The following LDB2 variants were observed in gnomAD, a reference collection of about 807,000 sequenced individuals.
LDB2 encodes the protein LIM domain-binding protein 2.
Under a neutral mutation model 44.3 loss-of-function variants are expected in LDB2, and 12 were observed. The ratio of observed to expected loss-of-function variants is 0.27; its 90% CI spans 0.17 to 0.44. The LOEUF is 0.44. Among genes scored for constraint, LDB2 ranks in the 20% least tolerant of loss-of-function variants. The probability of loss-of-function intolerance (pLI) is 1.00; values close to 1 mark genes in which losing one functional copy is unlikely to be tolerated. For synonymous variants in LDB2, 164 were observed against 174.8 expected (o/e 0.94, Z 0.49); for missense variants, 344 against 473.5 (o/e 0.73, Z 2.54).
At chr4:16,698,092 C>T (rs1752615355) in intron 2 of LDB2, among the ~76,000 whole-genome samples, 1 of 152,158 alleles carries the variant, frequency 6.6e-6, no homozygotes, top group Non-Finnish European at 1.5e-5. Context: ...GAAAGTTTTA[C>T]ACATAAGCAT....
chr4:16,609,259 G>A (rs1283108820), intron 2 of LDB2, among the ~76,000 whole-genome samples: 1 of 151,890 alleles, frequency 6.6e-6, no homozygotes, highest in East Asian at 2.0e-4. Flanking sequence ...CCACGCCACC[G>A]GGGTCTAGTG....
At chr4:16,565,108 A>T (rs1017006780) in intron 5 of LDB2, among the ~76,000 whole-genome samples, 5 of 152,306 alleles carry the variant, frequency 3.3e-5, no homozygotes, top group Non-Finnish European at 5.9e-5. Context: ...ATCTATCATG[A>T]CGAAATTAGT....
intron 2 of LDB2, among the ~76,000 whole-genome samples, chr4:16,723,935 C>T (rs546649): frequency 0.4 from 60,667 of 151,814 alleles, 12,252 homozygotes; most frequent in Admixed American, 0.44. Flanking sequence ...AGGACAAATA[C>T]GTTTGAATAG....
chr4:16,876,224 TG>T (rs1718345659), intron 1 of LDB2, among the ~76,000 whole-genome samples: 1 of 152,244 alleles, frequency 6.6e-6, no homozygotes, highest in South Asian at 2.1e-4. Flanking sequence ...TTTACTATTC[TG>T]GGTCTATTTC....
At chr4:16,725,883 A>ATGTGTATATATATATATAT (rs1377123343) in intron 2 of LDB2, among the ~76,000 whole-genome samples, 1 of 101,372 alleles carries the variant, frequency 9.9e-6, no homozygotes, top group Non-Finnish European at 2.0e-5. Flanking sequence ...ATATATATTT[A>ATGTGTATATATATATATAT]TGTGTATATA....
chr4:16,796,143 C>G (rs1776683113), intron 1 of LDB2, among the ~76,000 whole-genome samples: 1 of 151,886 alleles, frequency 6.6e-6, no homozygotes, highest in Admixed American at 6.6e-5. Context: ...AAAAAATTAG[C>G]CCGTCATGGT....
At chr4:16,521,059 G>A (rs2152274197) in intron 5 of LDB2, among the ~76,000 whole-genome samples, 1 of 152,276 alleles carries the variant, frequency 6.6e-6, no homozygotes, top group African/African-American at 2.4e-5. Flanking sequence ...AGCTGTCTTT[G>A]CCAACTGGCT....
intron 2 of LDB2, among the ~76,000 whole-genome samples, chr4:16,613,969 TAAGTG>T (rs1726415519): frequency 6.6e-6 from 1 of 152,194 alleles, no homozygotes; most frequent in African/African-American, 2.4e-5. Context: ...AAGACAATCT[TAAGTG>T]AAAAGAACAA....
At chr4:16,641,838 A>G (rs193058001) in intron 2 of LDB2, among the ~76,000 whole-genome samples, 2 of 152,284 alleles carry the variant, frequency 1.3e-5, no homozygotes, top group African/African-American at 2.4e-5. Flanking sequence ...ACAGAGTCAC[A>G]TTGAAAACAA....
intron 1 of LDB2, among the ~76,000 whole-genome samples, chr4:16,835,798 G>A (rs1047389762): frequency 7.9e-5 from 12 of 152,182 alleles, no homozygotes; most frequent in Non-Finnish European, 1.6e-4. Flanking sequence ...CATTTGATAG[G>A]TGTGATGTTT....
rs1203600321 is a variant in LDB2 at position 16,821,445 on chromosome 4, G to A, written c.133-62185C>T. ...GTCGCCCAGGCTGGAGTGCAGTGGC[G>A]CCATCTCGGCTCACTGCAAGCTCCA... is the stretch of plus-strand genomic sequence containing the variant. On this transcript the variant is annotated intron_variant, in intron 1 of 7. Transcript: ENST00000304523. 2.7e-5 allele frequency among the ~76,000 whole-genome samples: 4 copies of A among 149,386 alleles called. No homozygotes were observed. The East Asian group carries it at 5.9e-4, about 22-fold the overall frequency.
chr4:16,836,896 A>G (rs751912034), intron 1 of LDB2, among the ~76,000 whole-genome samples: 14 of 152,184 alleles, frequency 9.2e-5, no homozygotes, highest in Non-Finnish European at 1.5e-4. Context: ...TCCACTTTGT[A>G]GGAAGGTCTA....
At chr4:16,632,728 A>C (rs1422454171) in intron 2 of LDB2, among the ~76,000 whole-genome samples, 1 of 152,206 alleles carries the variant, frequency 6.6e-6, no homozygotes, top group African/African-American at 2.4e-5. Flanking sequence ...CAACTTCAAC[A>C]AAGTCTCTGG....
chr4:16,731,774 C>T (rs16893898), intron 2 of LDB2, among the ~76,000 whole-genome samples: 4,894 of 152,242 alleles, frequency 0.032, 240 homozygotes, highest in African/African-American at 0.11. Flanking sequence ...GCTTTAGTCT[C>T]CACATCCCTT....
At chr4:16,652,629 T>C (rs1178138344) in intron 2 of LDB2, among the ~76,000 whole-genome samples, 1 of 152,166 alleles carries the variant, frequency 6.6e-6, no homozygotes, top group Non-Finnish European at 1.5e-5. Flanking sequence ...AGACATCGGG[T>C]ACCACTTTAG....
At chr4:16,612,485 A>C (rs1456451805) in intron 2 of LDB2, among the ~76,000 whole-genome samples, 2 of 152,190 alleles carry the variant, frequency 1.3e-5, no homozygotes, top group Non-Finnish European at 2.9e-5. Context: ...TAAGAAGAAG[A>C]GAAAAAAGAA....
At chr4:16,636,412 CACCTA>C in intron 2 of LDB2, among the ~76,000 whole-genome samples, 1 of 152,310 alleles carries the variant, frequency 6.6e-6, no homozygotes, top group South Asian at 2.1e-4. Context: ...GCAAAGATGA[CACCTA>C]ACAGGCAGTA....
At chr4:16,535,921 G>T (rs944462609) in intron 5 of LDB2, among the ~76,000 whole-genome samples, 4 of 152,180 alleles carry the variant, frequency 2.6e-5, no homozygotes, top group African/African-American at 9.7e-5. Flanking sequence ...TAAAAAACGT[G>T]CATTTCTAAC....
intron 5 of LDB2, among the ~76,000 whole-genome samples, chr4:16,574,594 A>G (rs905384200): frequency 6.6e-6 from 1 of 152,250 alleles, no homozygotes; most frequent in African/African-American, 2.4e-5. Flanking sequence ...AGTTACTGTG[A>G]TTCAGAATGG....
Sources: allele counts gnomAD v4.1 joint callset (sites outside exome capture counted in the v4.1 genomes callset), GRCh38; gene constraint gnomAD v4.1.1; transcripts MANE v1.5; gene names NCBI Gene and HGNC (gene_info 2026-07-23, HGNC 2026-07-21).